The following PAG1 variants were observed in gnomAD, a reference collection of about 807,000 sequenced individuals.
PAG1 encodes phosphoprotein membrane anchor with glycosphingolipid microdomains 1, also known as phosphoprotein associated with glycosphingolipid-enriched microdomains 1.
Under a neutral mutation model 31.7 loss-of-function variants are expected in PAG1, and 23 were observed. The ratio of observed to expected loss-of-function variants is 0.73; its 90% CI spans 0.52 to 1.03. The LOEUF (loss-of-function observed/expected upper bound fraction) is 1.03. Ranked by LOEUF, PAG1 falls within the 50% of genes least tolerant of loss-of-function variation. The pLI is 0.00. For synonymous variants in PAG1, 214 were observed against 210.3 expected (o/e 1.02, Z -0.15); for missense variants, 473 against 540.7 (o/e 0.87, Z 1.24).
intron 2 of PAG1, among the ~76,000 whole-genome samples, chr8:81,045,516 T>A (rs1166567088): frequency 6.6e-6 from 1 of 152,130 alleles, no homozygotes; most frequent in African/African-American, 2.4e-5. Flanking sequence ...TGCCTAGAGC[T>A]GGAAGGAGGG....
At chr8:81,039,697 G>A (rs1262747674) in intron 2 of PAG1, among the ~76,000 whole-genome samples, 1 of 152,162 alleles carries the variant, frequency 6.6e-6, no homozygotes, top group African/African-American at 2.4e-5. Context: ...GGTAAGGAAG[G>A]TAATTCTCAT....
intron 3 of PAG1, among the ~76,000 whole-genome samples, chr8:81,017,609 T>A (rs963063603): frequency 6.6e-6 from 1 of 152,038 alleles, no homozygotes; most frequent in African/African-American, 2.4e-5. Context: ...GGTAAGTTTC[T>A]TTCTTTTTGA....
At chr8:81,071,126 C>G (rs1399282736) in intron 1 of PAG1, among the ~76,000 whole-genome samples, 1 of 151,970 alleles carries the variant, frequency 6.6e-6, no homozygotes, top group East Asian at 1.9e-4. Flanking sequence ...AAATGAAAAG[C>G]AAAGTAACAT....
intron 1 of PAG1, among the ~76,000 whole-genome samples, chr8:81,084,109 T>C (rs770287776): frequency 1.3e-5 from 2 of 152,124 alleles, no homozygotes; most frequent in African/African-American, 4.8e-5. Flanking sequence ...TAACTCACTA[T>C]TGTGTGTTGC....
At chr8:80,992,772 A>G (rs981660477) in intron 4 of PAG1, among the ~76,000 whole-genome samples, 3 of 152,226 alleles carry the variant, frequency 2.0e-5, no homozygotes, top group Non-Finnish European at 4.4e-5. Flanking sequence ...CGCATCACAC[A>G]AGATTTCAAA....
intron 3 of PAG1, among the ~76,000 whole-genome samples, chr8:81,027,883 C>T (rs1367917618): frequency 2.3e-5 from 3 of 128,022 alleles, no homozygotes; most frequent in African/African-American, 9.3e-5. Context: ...CCAGCCTGGG[C>T]GACAGAGCAG....
intron 1 of PAG1, among the ~76,000 whole-genome samples, chr8:81,109,091 A>T (rs1795550561): frequency 1.3e-5 from 2 of 152,136 alleles, no homozygotes; most frequent in African/African-American, 4.8e-5. Context: ...TTCTTTTTTG[A>T]CTCTCTGAAT....
intron 3 of PAG1, among the ~76,000 whole-genome samples, chr8:81,001,297 A>G (rs1807780664): frequency 6.6e-6 from 1 of 152,266 alleles, no homozygotes; most frequent in Admixed American, 6.5e-5. Flanking sequence ...TGTGGCACCC[A>G]GTAGGCACTT....
intron 2 of PAG1, among the ~76,000 whole-genome samples, chr8:81,038,643 A>G (rs1808502509): frequency 6.6e-6 from 1 of 152,140 alleles, no homozygotes; most frequent in African/African-American, 2.4e-5. Context: ...TATATATGTA[A>G]TGAGTACATA....
At chr8:81,045,756 A>G (rs1808631549) in intron 2 of PAG1, among the ~76,000 whole-genome samples, 1 of 152,224 alleles carries the variant, frequency 6.6e-6, no homozygotes, top group Non-Finnish European at 1.5e-5. Context: ...TCCCAAACTA[A>G]AAGGATTTCT....
intron 3 of PAG1, among the ~76,000 whole-genome samples, chr8:80,999,634 C>G (rs549998526): frequency 6.6e-6 from 1 of 152,238 alleles, no homozygotes; most frequent in African/African-American, 2.4e-5. Flanking sequence ...TTTTTGTACA[C>G]ACCAAACCTA....
chr8:80,984,996 TC>T lies in PAG1; in HGVS notation c.655del (p.Glu219LysfsTer24). The T allele has an allele frequency of 6.2e-7, 1 of 1,614,180 alleles. No homozygotes were observed. Among genetic ancestry groups the T allele is most frequent in the Non-Finnish European group, 8.5e-7 (1 of 1,180,034 alleles). The part of the protein sequence containing the change: ...ASKELPGPQT[E>X]GKAEFAEYAS... Reference sequence around the variant, plus strand: ...ATATTCAGCAAACTCAGCTTTGCCTTCAGTCTGGGGCCCTGGGAGCTCTTTC... The same window carrying T: ...ATATTCAGCAAACTCAGCTTTGCCTTAGTCTGGGGCCCTGGGAGCTCTTTC... On this transcript the variant is annotated frameshift_variant, in exon 7 of 9. Coordinates refer to ENST00000220597, the MANE Select transcript of PAG1 (RefSeq NM_018440.4). LOFTEE classifies it high-confidence loss of function.
chr8:81,055,680 G>C (rs932010113), intron 2 of PAG1, among the ~76,000 whole-genome samples: 6 of 152,030 alleles, frequency 3.9e-5, no homozygotes, highest in African/African-American at 1.4e-4. Flanking sequence ...CACATCCCTT[G>C]TAAGTTGGAT....
intron 2 of PAG1, among the ~76,000 whole-genome samples, chr8:81,065,331 CTTCT>C (rs766162463): frequency 2.6e-5 from 4 of 152,120 alleles, no homozygotes; most frequent in Admixed American, 6.5e-5. Context: ...TTTTCTTCTT[CTTCT>C]TTTTTTAAAT....
chr8:81,110,971 A>G (rs942156668), intron 1 of PAG1, among the ~76,000 whole-genome samples: 8 of 152,250 alleles, frequency 5.3e-5, no homozygotes, highest in Non-Finnish European at 1.2e-4. Flanking sequence ...GTGAAATCCA[A>G]GTGTCATTAT....
intron 3 of PAG1, among the ~76,000 whole-genome samples, chr8:81,023,073 T>C (rs1020115181): frequency 1.1e-4 from 16 of 152,194 alleles, no homozygotes; most frequent in Non-Finnish European, 2.4e-4. Flanking sequence ...ATGGAAGATA[T>C]TTTAATTATT....
At chr8:80,997,240 A>G (rs1008984538) in intron 3 of PAG1, among the ~76,000 whole-genome samples, 42 of 152,206 alleles carry the variant, frequency 2.8e-4, no homozygotes, top group Admixed American at 2.4e-3. Flanking sequence ...ACTTGACTCA[A>G]TAAACTTGCA....
At chr8:81,017,601 T>C (rs1808093438) in intron 3 of PAG1, among the ~76,000 whole-genome samples, 1 of 152,220 alleles carries the variant, frequency 6.6e-6, no homozygotes, top group Non-Finnish European at 1.5e-5. Flanking sequence ...CAGATATTGG[T>C]AAGTTTCTTT....
chr8:81,074,961 G>T (rs138371361), intron 1 of PAG1, among the ~76,000 whole-genome samples: 2,287 of 152,248 alleles, frequency 0.015, 26 homozygotes, highest in Non-Finnish European at 0.018. Context: ...CTTATGATAT[G>T]GTTAGCAGGC....
Sources: allele counts gnomAD v4.1 joint callset (sites outside exome capture counted in the v4.1 genomes callset), GRCh38; gene constraint gnomAD v4.1.1; transcripts MANE v1.5; gene names NCBI Gene and HGNC (gene_info 2026-07-23, HGNC 2026-07-21).